Variants in SNX8 observed in about 807,000 individuals in gnomAD.
SNX8 encodes the protein sorting nexin-8.
SNX8 carries 25 observed loss-of-function variants against 51.6 expected under a neutral mutation model. The ratio of observed to expected loss-of-function variants is 0.48; its 90% CI spans 0.35 to 0.68. The LOEUF (loss-of-function observed/expected upper bound fraction) is 0.68. SNX8 is among the 30% of genes least tolerant of loss of function. The pLI is 0.00. For synonymous variants in SNX8, 324 were observed against 277.0 expected, an observed-to-expected ratio of 1.17 and a Z score of -1.68; for missense variants, 695 against 624.0, an observed-to-expected ratio of 1.11 and a Z score of -1.21.
intron 1 of SNX8, among the ~76,000 whole-genome samples, chr7:2,341,353 G>T (rs1458957592): frequency 6.6e-6 from 1 of 151,648 alleles, no homozygotes; most frequent in Non-Finnish European, 1.5e-5. Context: ...ACAAAAATTA[G>T]CCGGGTGTGG....
intron 1 of SNX8, among the ~76,000 whole-genome samples, chr7:2,306,827 C>T (rs570641203): frequency 6.6e-6 from 1 of 152,336 alleles, no homozygotes; most frequent in Non-Finnish European, 1.5e-5. Flanking sequence ...CAGCGCATTA[C>T]TGGGTCTGAT....
chr7:2,330,578 C>T (rs1778711886), intron 1 of SNX8, among the ~76,000 whole-genome samples: 1 of 152,094 alleles, frequency 6.6e-6, no homozygotes, highest in South Asian at 2.1e-4. Context: ...GTTCGAGAGG[C>T]CCAGACTTGT....
At chr7:2,309,964 G>A in intron 1 of SNX8, 1 of 439,696 alleles carries the variant, frequency 2.3e-6, no homozygotes, top group Non-Finnish European at 4.7e-6. Context: ...GTCATCGCCA[G>A]GTCAACGCGG....
intron 3 of SNX8, among the ~76,000 whole-genome samples, chr7:2,274,303 G>A (rs1386900291): frequency 2.0e-5 from 3 of 152,398 alleles, no homozygotes; most frequent in African/African-American, 4.8e-5. Context: ...TTTCAGATGC[G>A]GGGAACTGGC....
At chr7:2,344,349 C>T (rs1166373852) in intron 1 of SNX8, among the ~76,000 whole-genome samples, 3 of 152,030 alleles carry the variant, frequency 2.0e-5, no homozygotes, top group Non-Finnish European at 4.4e-5. Flanking sequence ...CAGTGGCTCA[C>T]ACCTGTAATC....
At chr7:2,268,548 T>TGG (rs767631836) in intron 5 of SNX8, among the ~76,000 whole-genome samples, 5 of 116,206 alleles carry the variant, frequency 4.3e-5, no homozygotes, top group Admixed American at 3.4e-4. Context: ...GGGAGGGAGG[T>TGG]GGGGGGGTCA....
intron 6 of SNX8, among the ~76,000 whole-genome samples, 156 bp downstream of exon 6, chr7:2,264,142 A>AC (rs1398768479): frequency 6.6e-6 from 1 of 151,176 alleles, no homozygotes. Flanking sequence ...TCCAAATATG[A>AC]CCCCCCATGT....
chr7:2,268,112 G>A (rs1199373239), intron 5 of SNX8, among the ~76,000 whole-genome samples: 1 of 146,238 alleles, frequency 6.8e-6, no homozygotes, highest in Non-Finnish European at 1.5e-5. Context: ...CCGGGAGGGA[G>A]GTGGGGGGGT....
At chr7:2,350,076 G>A (rs1177829149) in intron 1 of SNX8, among the ~76,000 whole-genome samples, 3 of 152,288 alleles carry the variant, frequency 2.0e-5, no homozygotes, top group Middle Eastern at 6.8e-3. Context: ...ACACTTCCCG[G>A]CTCTGAACCT....
intron 4 of SNX8, among the ~76,000 whole-genome samples, chr7:2,271,556 T>C (rs934896433): frequency 6.6e-6 from 1 of 152,230 alleles, no homozygotes; most frequent in African/African-American, 2.4e-5. Flanking sequence ...CTGGAGTCTC[T>C]GGCACCTCCC....
At chr7:2,289,575 C>T (rs974890758) in intron 1 of SNX8, among the ~76,000 whole-genome samples, 4 of 152,050 alleles carry the variant, frequency 2.6e-5, no homozygotes, top group African/African-American at 7.2e-5. Context: ...TTATAACCAC[C>T]GTTCCATATT....
intron 7 of SNX8, among the ~76,000 whole-genome samples, chr7:2,259,250 G>C (rs372354746): frequency 8.1e-4 from 124 of 152,298 alleles, no homozygotes; most frequent in African/African-American, 2.9e-3. Flanking sequence ...AAGCCAGGCC[G>C]ATGGCAGGTA....
intron 1 of SNX8, among the ~76,000 whole-genome samples, chr7:2,343,632 G>A (rs570050965): frequency 2.5e-4 from 38 of 152,146 alleles, no homozygotes; most frequent in African/African-American, 8.7e-4. Context: ...CCAACATGGT[G>A]CCACTGCCCT....
At chr7:2,339,683 A>G (rs1583123867) in intron 1 of SNX8, among the ~76,000 whole-genome samples, 1 of 152,182 alleles carries the variant, frequency 6.6e-6, no homozygotes, top group South Asian at 2.1e-4. Context: ...GAAAGAGTAT[A>G]GAATCAAGAT....
intron 1 of SNX8, among the ~76,000 whole-genome samples, chr7:2,300,708 T>C (rs1796371372): frequency 6.6e-6 from 1 of 152,036 alleles, no homozygotes. Flanking sequence ...AGTGGTGCAA[T>C]CTTGGCTCCC....
At chr7:2,335,134 T>C (rs560749985) in intron 1 of SNX8, among the ~76,000 whole-genome samples, 51 of 151,818 alleles carry the variant, frequency 3.4e-4, no homozygotes, top group Middle Eastern at 3.4e-3. Flanking sequence ...AGGCGGAGTT[T>C]GCAGTGAGCT....
At chr7:2,331,232 T>C (rs1778729199) in intron 1 of SNX8, among the ~76,000 whole-genome samples, 1 of 149,960 alleles carries the variant, frequency 6.7e-6, no homozygotes, top group African/African-American at 2.4e-5. Flanking sequence ...GAAAATTAAT[T>C]CATAACCAAT....
At chr7:2,344,407 C>G (rs966033514) in intron 1 of SNX8, among the ~76,000 whole-genome samples, 5 of 150,816 alleles carry the variant, frequency 3.3e-5, no homozygotes, top group Non-Finnish European at 5.9e-5. Flanking sequence ...GTCAGGAGAT[C>G]GAAACCATCC....
At chr7:2,348,570 T>C (rs1275670825) in intron 1 of SNX8, among the ~76,000 whole-genome samples, 2 of 151,682 alleles carry the variant, frequency 1.3e-5, no homozygotes, top group Middle Eastern at 3.5e-3. Flanking sequence ...CTTGATCTCC[T>C]GACCTTGTGA....
Sources: allele counts gnomAD v4.1 joint callset (sites outside exome capture counted in the v4.1 genomes callset), GRCh38; gene constraint gnomAD v4.1.1; transcripts MANE v1.5; gene names NCBI Gene and HGNC (gene_info 2026-07-23, HGNC 2026-07-21).